OSBPL1A: variants seen among roughly 807,000 people sequenced by gnomAD.
OSBPL1A encodes the protein oxysterol binding protein like 1A.
Under a neutral mutation model 137.1 loss-of-function variants are expected in OSBPL1A, and 80 were observed. That is an observed-to-expected ratio of 0.58 (90% confidence interval 0.49 to 0.70). OSBPL1A has a LOEUF of 0.70. Among genes scored for constraint, OSBPL1A ranks in the 30% least tolerant of loss-of-function variants. The probability of loss-of-function intolerance (pLI) is 0.00; values close to 1 mark genes in which losing one functional copy is unlikely to be tolerated. For missense variants in OSBPL1A, 970 were observed against 1,129.4 expected (o/e 0.86, Z 2.02); for synonymous variants, 365 against 389.7 (o/e 0.94, Z 0.75).
At chr18:24,239,848 G>A (rs1307693941) in intron 15 of OSBPL1A, among the ~76,000 whole-genome samples, 1 of 151,574 alleles carries the variant, frequency 6.6e-6, no homozygotes, top group Non-Finnish European at 1.5e-5. Context: ...CAAAATAGTT[G>A]GTAATAGTTG....
At chr18:24,274,230 T>TCA (rs1491572788) in intron 15 of OSBPL1A, among the ~76,000 whole-genome samples, 7 of 73,604 alleles carry the variant, frequency 9.5e-5, no homozygotes, top group African/African-American at 7.0e-4. Flanking sequence ...CGAGACTCCT[T>TCA]CACAAAAAAA....
intron 7 of OSBPL1A, among the ~76,000 whole-genome samples, chr18:24,330,229 G>A (rs779439063): frequency 2.0e-5 from 3 of 152,180 alleles, no homozygotes; most frequent in African/African-American, 4.8e-5. Flanking sequence ...GATGACCTCC[G>A]ACTGCTCCCC....
At chr18:24,326,374 G>A (rs117777125) in intron 7 of OSBPL1A, among the ~76,000 whole-genome samples, 1 of 152,308 alleles carries the variant, frequency 6.6e-6, no homozygotes, top group East Asian at 1.9e-4. Flanking sequence ...ATTGCCAGGA[G>A]GAGGCCTTGG....
In OSBPL1A at chr18:24,390,664, C is replaced by T. The variant is rs1907275575; in HGVS notation, c.-3+6991G>A. On this transcript the variant is annotated intron_variant, in intron 1 of 27. Coordinates refer to ENST00000319481, the MANE Select transcript of OSBPL1A (RefSeq NM_080597.4). The stretch of plus-strand genomic sequence containing the variant: ...GAGCCAAGATCGTGCTACTCTACTT[C>T]AGCCTGGGCAACAGAGTGCGACTCC... Among the ~76,000 whole-genome samples, 9 of 116,308 alleles carry T rather than the reference C, an allele frequency of 7.7e-5. No individual in the cohort carries two copies. In the South Asian group the frequency reaches 2.6e-3, roughly 33 times the overall value. 76.3% of individuals were successfully genotyped at this position (116,308 alleles called of 152,430 possible).
Position 24,162,285 on chromosome 18 carries a change from C to T in OSBPL1A, c.*894G>A, listed in dbSNP as rs2086035338. 6.6e-6 allele frequency: 1 copy of T among 152,180 alleles called. No individual in the cohort carries two copies. Among genetic ancestry groups the T allele is most frequent in the Non-Finnish European group, 1.5e-5 (1 of 68,032 alleles). 9.4% of individuals were successfully genotyped at this position (152,180 alleles called of 1,614,324 possible). ...CACACATATTTTAAGTACACAGGTA[C>T]TTTGCAAACTTGAAATGCACAAGGC... On this transcript the variant is annotated 3_prime_UTR_variant, in exon 28 of 28. Transcript: ENST00000319481.
In OSBPL1A at chr18:24,317,341, T is replaced by A; in HGVS notation, c.792A>T (p.Ser264=). 6.2e-7 allele frequency: 1 copy of A among 1,613,684 alleles called. No homozygotes were observed. Residue 264 remains serine (S), a synonymous_variant, in exon 10 of 28, where the codon TCA becomes TCT. Transcript: ENST00000319481. ...FWVVLEHGVL[S]WYRKQPDAVH... ...ATAATACTTACTGTTTCCTATACCA[T>A]GAAAGGACTCCATGCTCTAACACTA...
Position 24,310,432 on chromosome 18 carries a change from CAAA to C in OSBPL1A, c.1092+1549_1092+1551del, listed in dbSNP as rs3039412. 4.4e-3 allele frequency among the ~76,000 whole-genome samples: 392 copies of C among 89,724 alleles called. 3 individuals carry two copies. The highest frequency in any genetic ancestry group is 0.017 in the African/African-American group (379 of 22,876). 58.9% of individuals were successfully genotyped at this position (89,724 alleles called of 152,430 possible). ...TGAAACCCTGTCTCTACTAAAAATA[CAAA>C]AAAAAAAAAAAAAAAAATTAGCCAG... On this transcript the variant is annotated intron_variant, in intron 13 of 27. Transcript: ENST00000319481.
intron 14 of OSBPL1A, among the ~76,000 whole-genome samples, chr18:24,284,997 T>C (rs2090040526): frequency 6.6e-6 from 1 of 152,122 alleles, no homozygotes; most frequent in African/African-American, 2.4e-5. Context: ...GAGTTCAAGG[T>C]TGCAATGAGC....
At chr18:24,386,194 TAG>T (rs1452870948) in intron 1 of OSBPL1A, among the ~76,000 whole-genome samples, 4 of 152,138 alleles carry the variant, frequency 2.6e-5, no homozygotes, top group East Asian at 1.9e-4. Context: ...AATACAGTCA[TAG>T]AGATTGTTTT....
intron 7 of OSBPL1A, among the ~76,000 whole-genome samples, chr18:24,331,929 C>T (rs1264406696): frequency 6.6e-6 from 1 of 152,158 alleles, no homozygotes; most frequent in East Asian, 1.9e-4. Context: ...TTGCCCAGTG[C>T]TCATTTTCCA....
At chr18:24,214,467 T>C (rs9945342) in intron 17 of OSBPL1A, among the ~76,000 whole-genome samples, 1 of 151,958 alleles carries the variant, frequency 6.6e-6, no homozygotes, top group African/African-American at 2.4e-5. Flanking sequence ...ATTTTGTTGG[T>C]TGGGGAGGGG....
intron 13 of OSBPL1A, among the ~76,000 whole-genome samples, chr18:24,308,929 C>A (rs1361950672): frequency 6.6e-6 from 1 of 152,112 alleles, no homozygotes; most frequent in African/African-American, 2.4e-5. Flanking sequence ...CGCCACCATG[C>A]CTGGCTAATT....
At chr18:24,249,009 C>G (rs2088989318) in intron 15 of OSBPL1A, among the ~76,000 whole-genome samples, 1 of 152,236 alleles carries the variant, frequency 6.6e-6, no homozygotes, top group Non-Finnish European at 1.5e-5. Flanking sequence ...CCACGGTATG[C>G]TACCAATAGT....
intron 15 of OSBPL1A, among the ~76,000 whole-genome samples, chr18:24,250,578 C>A (rs969082661): frequency 6.6e-6 from 1 of 152,184 alleles, no homozygotes; most frequent in African/African-American, 2.4e-5. Flanking sequence ...AACTGAAGAG[C>A]CTTTGGGCCC....
At chr18:24,242,582 C>G (rs1184313851) in intron 15 of OSBPL1A, among the ~76,000 whole-genome samples, 1 of 152,156 alleles carries the variant, frequency 6.6e-6, no homozygotes, top group Non-Finnish European at 1.5e-5. Flanking sequence ...AGCTGCACAT[C>G]AGGTACAACA....
chr18:24,184,156 T>C (rs912522764), intron 18 of OSBPL1A, among the ~76,000 whole-genome samples: 8 of 152,198 alleles, frequency 5.3e-5, no homozygotes, highest in Admixed American at 6.5e-5. Context: ...GGATTTCAAG[T>C]AGATTTCTCT....
In OSBPL1A at chr18:24,318,624, G is replaced by A. The variant is rs751423002; in HGVS notation, c.709C>T (p.Arg237Ter). The change falls in exon 9 of 28, where the codon CGA becomes TGA. Residue 237 changes from arginine (R) to a stop codon, truncating the protein, a stop_gained. Transcript: ENST00000319481. LOFTEE classifies it high-confidence loss of function. ...GNKVIYKALK[R>*]YEGPLWKSSR... ...ACCTTCCAGAGAGGGCCCTCATATC[G>A]TTTCAATGCTTTGTAGATGACCTGT... 3.0e-5 allele frequency: 49 copies of A among 1,610,020 alleles called. No individual in the cohort carries two copies. Among genetic ancestry groups the A allele is most frequent in the Admixed American group, 8.4e-5 (5 of 59,784 alleles).
At chr18:24,188,001 G>A (rs893325617) in intron 18 of OSBPL1A, among the ~76,000 whole-genome samples, 1 of 152,162 alleles carries the variant, frequency 6.6e-6, no homozygotes, top group Admixed American at 6.5e-5. Flanking sequence ...GGGTGGGATT[G>A]ATCATAAAGA....
At chr18:24,380,072 T>C (rs1906473576) in intron 1 of OSBPL1A, among the ~76,000 whole-genome samples, 1 of 152,150 alleles carries the variant, frequency 6.6e-6, no homozygotes, top group African/African-American at 2.4e-5. Flanking sequence ...TATCACAACA[T>C]AAGCATCCAA....
Sources: gnomAD v4.1 joint callset for allele counts (sites outside exome capture counted in the v4.1 genomes callset) on GRCh38, gnomAD v4.1.1 for gene constraint, MANE v1.5 for transcripts, NCBI Gene and HGNC (gene_info 2026-07-23, HGNC 2026-07-21) for gene names.